Variants in PCDHGA1 observed in about 807,000 individuals in gnomAD.
The protein encoded by PCDHGA1 is protocadherin gamma-A1.
Under a neutral mutation model 58.0 loss-of-function variants are expected in PCDHGA1, and 32 were observed. The observed-to-expected ratio is 0.55, with a 90% CI of 0.42 to 0.74. The LOEUF (loss-of-function observed/expected upper bound fraction) is 0.74, where lower values mean the gene tolerates loss of function less well. Ranked by LOEUF, PCDHGA1 falls within the 30% of genes least tolerant of loss-of-function variation. The probability of loss-of-function intolerance (pLI) is 0.00; values close to 1 mark genes in which losing one functional copy is unlikely to be tolerated. For missense variants in PCDHGA1, 1,205 were observed against 1,182.3 expected, an observed-to-expected ratio of 1.02 and a Z score of -0.28; for synonymous variants, 498 against 501.1, an observed-to-expected ratio of 0.99 and a Z score of 0.08.
chr5:141,494,434 T>A (rs976526647), intron 1 of PCDHGA1, among the ~76,000 whole-genome samples: 2 of 152,166 alleles, frequency 1.3e-5, no homozygotes, highest in Middle Eastern at 3.2e-3. Flanking sequence ...AAAAGCCTCC[T>A]TTGCCACTTT....
chr5:141,401,353 AAGG>A (rs772220375), intron 1 of PCDHGA1, among the ~76,000 whole-genome samples: 7 of 152,166 alleles, frequency 4.6e-5, no homozygotes, highest in African/African-American at 7.2e-5. Flanking sequence ...AAAAAAAAGG[AAGG>A]AGAAGGAGAG....
chr5:141,464,896 G>C (rs1166142533), intron 1 of PCDHGA1, among the ~76,000 whole-genome samples: 2 of 151,554 alleles, frequency 1.3e-5, no homozygotes, highest in African/African-American at 4.8e-5. Context: ...ATGCCACCAT[G>C]TCCAGCTAAT....
rs753372015 is a variant in PCDHGA1 at position 141,422,180 on chromosome 5, T to C, written c.2422-72627T>C. The stretch of plus-strand genomic sequence containing the variant: ...TTTGAAAAATATAGATTCTATGAGA[T>C]GGAAATTCAAGGCCAAGATGGTGGA... On this transcript the variant is annotated intron_variant, in intron 1 of 3. Coordinates refer to ENST00000517417, the MANE Select transcript of PCDHGA1 (RefSeq NM_018912.3). 1.1e-5 allele frequency: 17 copies of C among 1,562,190 alleles called. No homozygotes were observed. In the African/African-American group the frequency reaches 1.9e-4, roughly 18 times the overall value.
chr5:141,433,208 C>CTTT, intron 1 of PCDHGA1: 2 of 1,293,022 alleles, frequency 1.5e-6, no homozygotes, highest in Non-Finnish European at 2.1e-6. Context: ...AATCTTCTTT[C>CTTT]TTTTTTTTTT....
At chr5:141,492,241 C>T (rs1351937353) in intron 1 of PCDHGA1, among the ~76,000 whole-genome samples, 1 of 152,186 alleles carries the variant, frequency 6.6e-6, no homozygotes, top group African/African-American at 2.4e-5. Flanking sequence ...TGCTGGCCAC[C>T]CCCACGGCCC....
chr5:141,490,374 C>T lies in PCDHGA1; in HGVS notation c.2422-4433C>T, dbSNP rs1452417604. 1.2e-6 allele frequency: 2 copies of T among 1,614,082 alleles called. No homozygotes were observed. Among genetic ancestry groups the T allele is most frequent in the Middle Eastern group, 1.6e-4 (1 of 6,084 alleles). ...GGTTGTTTAATGTGCGAGACCGGGA[C>T]TCAGGTAGAAATGGTGAAGTGAGCC... On this transcript the variant is annotated intron_variant, in intron 1 of 3. Coordinates refer to ENST00000517417, the MANE Select transcript of PCDHGA1 (RefSeq NM_018912.3). This position sits in a 1 kb window ranked among gnomAD's most constrained non-coding sequence, Gnocchi z 5.4.
chr5:141,332,051 C>G lies in PCDHGA1; in HGVS notation c.1367C>G (p.Ser456Cys). The G allele has an allele frequency of 2.5e-6, 4 of 1,614,152 alleles. No homozygotes were observed. Among genetic ancestry groups the G allele is most frequent in the Non-Finnish European group, 3.4e-6 (4 of 1,180,026 alleles). ...AACTCCCCAGTCTTCCATCAGGACTCCTACTCTGCCTACATTCCCGAAAAC... is the reference window on the plus strand; with the variant it reads ...AACTCCCCAGTCTTCCATCAGGACTGCTACTCTGCCTACATTCCCGAAAAC... ...NDNSPVFHQD[S>C]YSAYIPENNP... Residue 456 changes from serine (S) to cysteine (C), a missense_variant, in exon 1 of 4, where the codon TCC (serine) becomes TGC (cysteine). By Grantham distance (112) the Ser-to-Cys change is moderately radical (BLOSUM62 -1). Transcript: ENST00000517417. The surrounding 1 kb of genome is among the most constrained non-coding windows in gnomAD (Gnocchi z 4.6).
chr5:141,357,407 C>T lies in PCDHGA1; in HGVS notation c.2421+24302C>T, dbSNP rs752595373. 1.5e-5 allele frequency: 25 copies of T among 1,614,128 alleles called. No individual in the cohort carries two copies. The East Asian group carries it at 4.7e-4, about 30-fold the overall frequency. ...GAAGGCAGCAGGTTGGCAGGTGTGC[C>T]TGCCTCGCACTTTGTGGGCGTGGAC... On this transcript the variant is annotated intron_variant, in intron 1 of 3. Transcript: ENST00000517417.
At chr5:141,397,225 T>C (rs2093492124) in intron 1 of PCDHGA1, among the ~76,000 whole-genome samples, 1 of 151,338 alleles carries the variant, frequency 6.6e-6, no homozygotes, top group Non-Finnish European at 1.5e-5. Context: ...TTTTGAGATA[T>C]GAAGAAGAGC....
rs1312195504 is a variant in PCDHGA1 at position 141,429,392 on chromosome 5, A to ATTTTT, written c.2422-65415_2422-65414insTTTTT. On this transcript the variant is annotated intron_variant, in intron 1 of 3. Transcript: ENST00000517417. Reference sequence around the variant, plus strand: ...GAGAAAATGTGTTTTTTTTTTAAAAAAAATTGAGATTAAGGTCTCATTATG... The same window carrying ATTTTT: ...GAGAAAATGTGTTTTTTTTTTAAAAATTTTTAAATTGAGATTAAGGTCTCATTATG... Among the ~76,000 whole-genome samples, 131 of 152,104 alleles carry ATTTTT rather than the reference A, an allele frequency of 8.6e-4. 1 individual carries two copies. Among genetic ancestry groups the ATTTTT allele is most frequent in the Non-Finnish European group, 1.5e-3 (100 of 67,974 alleles).
intron 1 of PCDHGA1, among the ~76,000 whole-genome samples, chr5:141,452,253 T>G (rs2098736880): frequency 6.6e-6 from 1 of 152,166 alleles, no homozygotes; most frequent in Admixed American, 6.5e-5. Context: ...TTGCCATAAC[T>G]CTCTCATTTT....
intron 1 of PCDHGA1, chr5:141,411,549 A>G (rs1169343676): frequency 6.6e-6 from 1 of 152,210 alleles, no homozygotes; most frequent in African/African-American, 2.4e-5. Flanking sequence ...TTGCCACTGC[A>G]CTCCAGCCTG....
intron 1 of PCDHGA1, chr5:141,423,468 A>G (rs1474468597): frequency 6.2e-7 from 1 of 1,613,960 alleles, no homozygotes; most frequent in Admixed American, 1.7e-5. Flanking sequence ...TGGACGGGGT[A>G]CAGGCTTTCC....
In PCDHGA1 at chr5:141,421,903, G is replaced by T. The variant is rs757656265; in HGVS notation, c.2422-72904G>T. 2.5e-6 allele frequency: 4 copies of T among 1,613,704 alleles called. No homozygotes were observed. In the East Asian group the frequency reaches 6.7e-5, roughly 27 times the overall value. ...TGGAGGCGATCCCATCCGAAAGGGCGCAGTTCCCATTCGTGTGGTGGTCCT... is the reference window on the plus strand; with the variant it reads ...TGGAGGCGATCCCATCCGAAAGGGCTCAGTTCCCATTCGTGTGGTGGTCCT... On this transcript the variant is annotated intron_variant, in intron 1 of 3. Transcript: ENST00000517417.
At chr5:141,447,576 A>G (rs758449068) in intron 1 of PCDHGA1, among the ~76,000 whole-genome samples, 6 of 152,214 alleles carry the variant, frequency 3.9e-5, no homozygotes, top group African/African-American at 7.2e-5. Context: ...CTATGTCCAC[A>G]CATACCTTAA....
chr5:141,361,451 C>T (rs1762026624), intron 1 of PCDHGA1: 1 of 1,614,034 alleles, frequency 6.2e-7, no homozygotes, highest in Non-Finnish European at 8.5e-7. Flanking sequence ...ATAATTGTCA[C>T]CCTGCACATC....
In PCDHGA1 at chr5:141,485,318, G is replaced by A. The variant is rs1318256454; in HGVS notation, c.2422-9489G>A. On this transcript the variant is annotated intron_variant, in intron 1 of 3. Transcript: ENST00000517417. The surrounding 1 kb of genome is among the most constrained non-coding windows in gnomAD (Gnocchi z 5.7). ...GGAAGGGACTTTTGTAGGGAATGTC[G>A]CTCAAGATTTCCTGCTGGATACGGA... 3 of 1,614,142 alleles carry A rather than the reference G, an allele frequency of 1.9e-6. No homozygotes were observed. The highest frequency in any genetic ancestry group is 2.5e-6 in the Non-Finnish European group (3 of 1,180,006).
Position 141,403,721 on chromosome 5 carries a change from C to T in PCDHGA1, c.2421+70616C>T, listed in dbSNP as rs748888364. On this transcript the variant is annotated intron_variant, in intron 1 of 3. Coordinates refer to ENST00000517417, the MANE Select transcript of PCDHGA1 (RefSeq NM_018912.3). ...AGTTAAAGTCCTTGAGAACGTGCCC[C>T]CAGGCACCTGGCTGCTTACTGCAAC... 5 of 1,613,754 alleles carry T rather than the reference C, an allele frequency of 3.1e-6. No individual in the cohort carries two copies. The highest frequency in any genetic ancestry group is 2.2e-5 in the East Asian group (1 of 44,878).
intron 1 of PCDHGA1, chr5:141,414,557 A>C: frequency 6.2e-7 from 1 of 1,613,906 alleles, no homozygotes. Flanking sequence ...CAAGTCTCCT[A>C]CTTTACCTAT....
Sources: gnomAD v4.1 joint callset for allele counts (sites outside exome capture counted in the v4.1 genomes callset) on GRCh38, gnomAD v4.1.1 for gene constraint, Gnocchi (gnomAD v3.1) non-coding constraint, MANE v1.5 for transcripts, NCBI Gene and HGNC (gene_info 2026-07-23, HGNC 2026-07-21) for gene names.